RASA3: variants seen among roughly 807,000 people sequenced by gnomAD.
RASA3 encodes ras GTPase-activating protein 3.
In RASA3, 73 loss-of-function variants were observed where a neutral mutation model predicts 110.0. The ratio of observed to expected loss-of-function variants is 0.66; its 90% CI spans 0.55 to 0.81. RASA3 has a LOEUF of 0.81. Ranked by LOEUF, RASA3 falls within the 30% of genes least tolerant of loss-of-function variation. RASA3 has a pLI of 0.00. For synonymous variants in RASA3, 500 were observed against 451.4 expected (o/e 1.11, Z -1.37); for missense variants, 976 against 1,113.2 (o/e 0.88, Z 1.75).
chr13:113,996,162 G>A (rs1338735196), intron 21 of RASA3, among the ~76,000 whole-genome samples: 1 of 152,144 alleles, frequency 6.6e-6, no homozygotes, highest in Non-Finnish European at 1.5e-5. Flanking sequence ...ATCAAGGTGG[G>A]TGTCCTGGGC....
intron 8 of RASA3, among the ~76,000 whole-genome samples, chr13:114,023,247 G>GA (rs147850392): frequency 1.7e-4 from 20 of 120,404 alleles, no homozygotes; most frequent in Admixed American, 3.3e-4. Context: ...CAGGCTCGGG[G>GA]ACATCCCAGG....
chr13:113,992,429 C>T (rs1385862366), intron 22 of RASA3, 56 bp downstream of exon 22: 14 of 1,421,676 alleles, frequency 9.8e-6, no homozygotes, highest in Admixed American at 5.1e-5. Flanking sequence ...CTCCTGAGGC[C>T]GGGGCCTCGC....
chr13:114,056,581 TG>T lies in RASA3; in HGVS notation c.174-4427del. 1.0e-6 allele frequency: 1 copy of T among 981,282 alleles called. No individual in the cohort carries two copies. The highest frequency in any genetic ancestry group is 1.2e-6 in the Non-Finnish European group (1 of 828,742). 60.8% of individuals were successfully genotyped at this position (981,282 alleles called of 1,614,324 possible). On this transcript the variant is annotated intron_variant, in intron 2 of 23. Coordinates refer to ENST00000334062, the MANE Select transcript of RASA3 (RefSeq NM_007368.4). The surrounding 1 kb of genome is among the most constrained non-coding windows in gnomAD (Gnocchi z 5.7). ...CTCTCTCTGTAACTCTGCTTGGCAGTGGGGGGCTCGGTGGGGGGAGGCCCGT... is the reference window on the plus strand; with the variant it reads ...CTCTCTCTGTAACTCTGCTTGGCAGTGGGGGCTCGGTGGGGGGAGGCCCGT...
chr13:114,055,206 CAT>C (rs538608487), intron 2 of RASA3, among the ~76,000 whole-genome samples: 3 of 152,168 alleles, frequency 2.0e-5, no homozygotes, highest in Non-Finnish European at 4.4e-5. Flanking sequence ...TGTGCCCATA[CAT>C]GTGTGCTCAC....
intron 18 of RASA3, 56 bp from the exon 19 acceptor site, chr13:114,000,988 G>T: frequency 8.5e-7 from 1 of 1,182,102 alleles, no homozygotes; most frequent in Non-Finnish European, 1.3e-6. Context: ...CCCTGCACAG[G>T]TGAAAAACCA....
intron 1 of RASA3, among the ~76,000 whole-genome samples, chr13:114,100,542 G>A (rs1019099656): frequency 2.6e-5 from 4 of 152,228 alleles, no homozygotes; most frequent in Non-Finnish European, 5.9e-5. Flanking sequence ...CCCCACGGCT[G>A]GCTGGAAGTT....
intron 1 of RASA3, among the ~76,000 whole-genome samples, chr13:114,081,222 A>G (rs1042874416): frequency 6.7e-6 from 1 of 150,234 alleles, no homozygotes; most frequent in African/African-American, 2.5e-5. Context: ...CACACAGGAG[A>G]TGCTGCCACG....
rs1305522991 is a variant in RASA3 at position 114,112,922 on chromosome 13, A to G, written c.55+19513T>C. 2.6e-5 allele frequency among the ~76,000 whole-genome samples: 4 copies of G among 152,104 alleles called. No homozygotes were observed. The highest frequency in any genetic ancestry group is 2.6e-4 in the Admixed American group (4 of 15,276). On this transcript the variant is annotated intron_variant, in intron 1 of 23. Transcript: ENST00000334062. The surrounding 1 kb of genome is among the most constrained non-coding windows in gnomAD (Gnocchi z 4.8). ...AGGGGGCTGGGAAGGTGCTTAGCTC[A>G]GGGAGGGCTGGAGGGTGGGACTAGG...
At chr13:113,995,947 A>C (rs4990289) in intron 21 of RASA3, among the ~76,000 whole-genome samples, 1 of 7,186 alleles carries the variant, frequency 1.4e-4, no homozygotes, top group Non-Finnish European at 1.9e-4. Flanking sequence ...GGGCCCGGCT[A>C]ATGGGGGGCC....
intron 18 of RASA3, among the ~76,000 whole-genome samples, chr13:114,001,319 C>T (rs1447828266): frequency 1.3e-5 from 2 of 150,798 alleles, no homozygotes; most frequent in African/African-American, 2.4e-5. Context: ...GACCTGCGGC[C>T]GCGGACCTGG....
intron 3 of RASA3, 21 bp downstream of exon 3, chr13:114,052,031 A>G: frequency 6.5e-7 from 1 of 1,537,536 alleles, no homozygotes; most frequent in Non-Finnish European, 9.0e-7. Flanking sequence ...AAGGGGAAGT[A>G]AATGCTCATT....
chr13:113,980,233 TGC>T (rs1389904301), intron 23 of RASA3, among the ~76,000 whole-genome samples: 1 of 142,762 alleles, frequency 7.0e-6, no homozygotes, highest in Admixed American at 6.9e-5. Flanking sequence ...TCCTGCTGTG[TGC>T]GCCTCCTCCA....
rs2053336240 is a variant in RASA3 at position 113,999,639 on chromosome 13, G to A, written c.1878C>T (p.Ile626=). The change falls in exon 20 of 24, where the codon ATC becomes ATT. Residue 626 remains isoleucine (I), a synonymous_variant. Coordinates refer to ENST00000334062, the MANE Select transcript of RASA3 (RefSeq NM_007368.4). Reference sequence around the variant, plus strand: ...GCTTCTCCACTGCCAGGATGTTCTCGATGGGAATGCTGTAGAGAGGCTGGT... The same window carrying A: ...GCTTCTCCACTGCCAGGATGTTCTCAATGGGAATGCTGTAGAGAGGCTGGT... The part of the protein sequence containing the change: ...KGDQPLYSIP[I]ENILAVEKLE... The A allele has an allele frequency of 2.5e-6, 4 of 1,613,106 alleles. No individual in the cohort carries two copies. Among genetic ancestry groups the A allele is most frequent in the East Asian group, 2.2e-5 (1 of 44,812 alleles).
intron 2 of RASA3, among the ~76,000 whole-genome samples, chr13:114,060,439 C>A (rs1169989551): frequency 1.3e-5 from 2 of 152,234 alleles, no homozygotes; most frequent in Admixed American, 1.3e-4. Flanking sequence ...GAAGGTCACC[C>A]AAGCCTCCAC....
intron 3 of RASA3, 75 bp from the exon 4 acceptor site, chr13:114,041,169 C>T: frequency 8.2e-7 from 1 of 1,214,318 alleles, no homozygotes. Context: ...AGAAGCCAGC[C>T]CATCATCACC....
chr13:114,063,964 C>T (rs1185356903), intron 2 of RASA3, among the ~76,000 whole-genome samples: 1 of 152,178 alleles, frequency 6.6e-6, no homozygotes, highest in African/African-American at 2.4e-5. Flanking sequence ...TCTTGAAATG[C>T]TCTGGGCCTG....
chr13:114,037,433 C>T (rs1329137922), intron 4 of RASA3, among the ~76,000 whole-genome samples: 1 of 152,162 alleles, frequency 6.6e-6, no homozygotes, highest in African/African-American at 2.4e-5. Flanking sequence ...AGCTCACTCC[C>T]ATGAGCCACG....
chr13:114,040,096 C>T (rs1301949781), intron 4 of RASA3, among the ~76,000 whole-genome samples: 4 of 152,278 alleles, frequency 2.6e-5, no homozygotes, highest in Admixed American at 2.0e-4. Context: ...TCCTTTCCCA[C>T]CGTGTTTGTT....
At chr13:114,067,074 C>A (rs1172355613) in intron 2 of RASA3, among the ~76,000 whole-genome samples, 4 of 146,240 alleles carry the variant, frequency 2.7e-5, no homozygotes, top group African/African-American at 7.6e-5. Flanking sequence ...GAGGACAGGC[C>A]CCCCAACCTG....
Sources: gnomAD v4.1 joint callset for allele counts (sites outside exome capture counted in the v4.1 genomes callset) on GRCh38, gnomAD v4.1.1 for gene constraint, Gnocchi (gnomAD v3.1) non-coding constraint, MANE v1.5 for transcripts, NCBI Gene and HGNC (gene_info 2026-07-23, HGNC 2026-07-21) for gene names.